Variants in POP4 observed in about 807,000 individuals in gnomAD.
POP4 encodes POP4 ribonuclease P/MRP subunit, also known as ribonuclease P protein subunit p29.
Under a neutral mutation model 29.9 loss-of-function variants are expected in POP4, and 31 were observed. The ratio of observed to expected loss-of-function variants is 1.04; its 90% CI spans 0.78 to 1.40. The LOEUF is 1.40. Ranked by LOEUF, POP4 falls within the 40% of genes most tolerant of loss-of-function variation. The pLI, the probability that POP4 is intolerant of heterozygous loss-of-function variation, is 0.00. For missense variants in POP4, 286 were observed against 282.7 expected, an observed-to-expected ratio of 1.01 and a Z score of -0.08; for synonymous variants, 110 against 108.2, an observed-to-expected ratio of 1.02 and a Z score of -0.10.
intron 2 of POP4, among the ~76,000 whole-genome samples, chr19:29,609,437 G>A (rs549036004): frequency 3.3e-5 from 5 of 152,322 alleles, no homozygotes; most frequent in Admixed American, 3.3e-4. Flanking sequence ...CAGTCTGTCA[G>A]CCTCAGTCTT....
At chr19:29,608,177 A>G (rs1243354084) in intron 1 of POP4, among the ~76,000 whole-genome samples, 1 of 151,912 alleles carries the variant, frequency 6.6e-6, no homozygotes, top group Non-Finnish European at 1.5e-5. Flanking sequence ...TGCTCTTAAT[A>G]CCAACCTCAT....
chr19:29,608,508 G>A, intron 1 of POP4, 149 bp from the exon 2 acceptor site: 5 of 679,930 alleles, frequency 7.4e-6, no homozygotes, highest in Non-Finnish European at 1.3e-5. Flanking sequence ...CTTGGGTCAG[G>A]ATCCGCCCGC....
intron 1 of POP4, 51 bp downstream of exon 1, chr19:29,606,376 T>C: frequency 6.3e-7 from 1 of 1,576,598 alleles, no homozygotes; most frequent in Non-Finnish European, 8.6e-7. Context: ...AGGGTCGGGG[T>C]CTTGGTACTG....
rs1971129993 is a variant in POP4, at chr19:29,616,246, C to T, written c.*866C>T. On this transcript the variant is annotated 3_prime_UTR_variant, in exon 7 of 7. Transcript: ENST00000585603. ...TTGGCTTTTCAGTCTGACCCTGGCCCTCTGTGACCATGTGTCTGTAAAGCC... is the reference window on the plus strand; with the variant it reads ...TTGGCTTTTCAGTCTGACCCTGGCCTTCTGTGACCATGTGTCTGTAAAGCC... 1 of 152,292 alleles carries T rather than the reference C, an allele frequency of 6.6e-6. No individual in the cohort carries two copies. Among genetic ancestry groups the T allele is most frequent in the Non-Finnish European group, 1.5e-5 (1 of 68,080 alleles). 9.4% of individuals were successfully genotyped at this position (152,292 alleles called of 1,614,324 possible).
intron 1 of POP4, among the ~76,000 whole-genome samples, chr19:29,606,966 A>G (rs577444362): frequency 7.0e-4 from 107 of 152,284 alleles, no homozygotes; most frequent in African/African-American, 2.5e-3. Flanking sequence ...TAATTGTTAG[A>G]TGTGTATTGT....
chr19:29,613,963 C>T lies in POP4; in HGVS notation c.517C>T (p.Arg173Cys), dbSNP rs547007300. The T allele has an allele frequency of 6.2e-6, 10 of 1,613,276 alleles. No individual in the cohort carries two copies. Among genetic ancestry groups the T allele is most frequent in the South Asian group, 1.1e-5 (1 of 91,006 alleles). Residue 173 changes from arginine to cysteine, a missense_variant, in exon 6 of 7, where the codon CGC becomes TGC. Transcript: ENST00000585603. The stretch of plus-strand genomic sequence containing the variant: ...TTTCAAAATTATCACCAAAGAAGAC[C>T]GCCTGAAAGGTATGTAGGTGTTTCT... ...HIFKIITKED[R>C]LKVIPKLNCV...
In POP4 at chr19:29,616,370, A is replaced by C. The variant is rs915020320; in HGVS notation, c.*990A>C. 6.6e-6 allele frequency: 1 copy of C among 152,404 alleles called. No individual in the cohort carries two copies. The highest frequency in any genetic ancestry group is 1.5e-5 in the Non-Finnish European group (1 of 68,224). 9.4% of individuals were successfully genotyped at this position (152,404 alleles called of 1,614,324 possible). A position where few individuals can be genotyped will look rare whatever the true frequency, so the allele number is the denominator to read the frequency against. ...CCAGCCTACCAGATGGGTTGGAAAC[A>C]TGGCTCAGAAGGACCAACTACCCCT... On this transcript the variant is annotated 3_prime_UTR_variant, in exon 7 of 7. Coordinates refer to ENST00000585603, the MANE Select transcript of POP4 (RefSeq NM_006627.3).
At chr19:29,610,161 G>A (rs1315718360) in intron 2 of POP4, 1 of 520,218 alleles carries the variant, frequency 1.9e-6, no homozygotes, top group Non-Finnish European at 3.4e-6. Flanking sequence ...GGCCAGAGCA[G>A]GAAGTGAGCG....
intron 1 of POP4, among the ~76,000 whole-genome samples, chr19:29,608,301 C>CT (rs1971026492): frequency 1.7e-5 from 2 of 119,592 alleles, no homozygotes; most frequent in Admixed American, 1.1e-4. Flanking sequence ...GAGTCTCACT[C>CT]TGTCACCCAG....
At chr19:29,608,529 C>T in intron 1 of POP4, 128 bp from the exon 2 acceptor site, 1 of 907,662 alleles carries the variant, frequency 1.1e-6, no homozygotes, top group South Asian at 1.6e-5. Flanking sequence ...CTTGGCCTCC[C>T]AAAGTGCTAG....
At chr19:29,615,223 C>CTTTTTT in intron 6 of POP4, 21 bp from the exon 7 acceptor site, 4 of 1,324,484 alleles carry the variant, frequency 3.0e-6, no homozygotes, top group South Asian at 1.6e-5. Flanking sequence ...TTTCTCCTGC[C>CTTTTTT]TTTTTTTTTT....
At chr19:29,608,524 C>A in intron 1 of POP4, 133 bp from the exon 2 acceptor site, 1 of 829,558 alleles carries the variant, frequency 1.2e-6, no homozygotes, top group Non-Finnish European at 1.9e-6. Context: ...CCCGCCTTGG[C>A]CTCCCAAAGT....
rs567092722 is a variant in POP4, at chr19:29,615,602, TTG to T, written c.*227_*228del. On this transcript the variant is annotated 3_prime_UTR_variant, in exon 7 of 7. Transcript: ENST00000585603. Reference sequence around the variant, plus strand: ...TTTCTCTTTCTAGGAGATTTTCATTTTGTGTGACTCCCATGGGGAGGAACAGA... The same window carrying T: ...TTTCTCTTTCTAGGAGATTTTCATTTTGTGACTCCCATGGGGAGGAACAGA... 68 of 459,698 alleles carry T rather than the reference TTG, an allele frequency of 1.5e-4. No individual in the cohort carries two copies. In the South Asian group the frequency reaches 3.2e-3, roughly 21 times the overall value. 28.5% of individuals were successfully genotyped at this position (459,698 alleles called of 1,614,324 possible). A position where few individuals can be genotyped will look rare whatever the true frequency, so the allele number is the denominator to read the frequency against.
chr19:29,616,284 C>T lies in POP4; in HGVS notation c.*904C>T, dbSNP rs138416321. 1.3e-5 allele frequency: 2 copies of T among 152,264 alleles called. No homozygotes were observed. Among genetic ancestry groups the T allele is most frequent in the Non-Finnish European group, 2.9e-5 (2 of 68,102 alleles). The allele number at this position is 152,264 out of a possible 1,614,324, so 9.4% of individuals were successfully genotyped here. A position where few individuals can be genotyped will look rare whatever the true frequency, so the allele number is the denominator to read the frequency against. ...TGTCTGTAAAGCCAGTGGGTCAGGC[C>T]CTTCCATGCAGGGCCAGAGGAAAAG... On this transcript the variant is annotated 3_prime_UTR_variant, in exon 7 of 7. Coordinates refer to ENST00000585603, the MANE Select transcript of POP4 (RefSeq NM_006627.3).
At chr19:29,608,787 T>G in intron 2 of POP4, 78 bp downstream of exon 2, 1 of 1,319,062 alleles carries the variant, frequency 7.6e-7, no homozygotes, top group Non-Finnish European at 1.1e-6. Context: ...CCCCCAGCAC[T>G]GATTGAGATG....
At chr19:29,610,372 G>C (rs369680136) in intron 2 of POP4, 37 bp from the exon 3 acceptor site, 4 of 1,516,064 alleles carry the variant, frequency 2.6e-6, no homozygotes, top group Non-Finnish European at 3.5e-6. Flanking sequence ...TGCCCAGACC[G>C]GAGCAGTGAG....
Position 29,615,240 on chromosome 19 carries a change from T to C in POP4, c.527-4T>C, listed in dbSNP as rs899471170. 27 of 1,467,112 alleles carry C rather than the reference T, an allele frequency of 1.8e-5. No individual in the cohort carries two copies. The African/African-American group carries it at 2.1e-4, about 11-fold the overall frequency. The allele number at this position is 1,467,112 out of a possible 1,614,324, so 90.9% of individuals were successfully genotyped here. On this transcript the variant is annotated splice_polypyrimidine_tract_variant and splice_region_variant and intron_variant, in intron 6 of 6. Coordinates refer to ENST00000585603, the MANE Select transcript of POP4 (RefSeq NM_006627.3). ...TCTCCTGCCTTTTTTTTTTTTTTTT[T>C]CAGTTATCCCCAAGCTAAACTGCGT...
In POP4 at chr19:29,608,562, G is replaced by T. The variant is rs754150616; in HGVS notation, c.8-95G>T. 4 of 1,282,156 alleles carry T rather than the reference G, an allele frequency of 3.1e-6. No homozygotes were observed. The Admixed American group carries it at 5.1e-5, about 16-fold the overall frequency. The allele number at this position is 1,282,156 out of a possible 1,614,324, so 79.4% of individuals were successfully genotyped here. A position where few individuals can be genotyped will look rare whatever the true frequency, so the allele number is the denominator to read the frequency against. ...TAGGACTACAGGTATGAGCCACTGC[G>T]CCTAGTGGCGTAGTTATTTTCATAG... On this transcript the variant is annotated intron_variant, in intron 1 of 6. Coordinates refer to ENST00000585603, the MANE Select transcript of POP4 (RefSeq NM_006627.3).
chr19:29,612,435 C>CT (rs1269729732), intron 5 of POP4, among the ~76,000 whole-genome samples: 2 of 152,286 alleles, frequency 1.3e-5, no homozygotes, highest in African/African-American at 4.8e-5. Flanking sequence ...TGTTGGTACC[C>CT]TAAAGGGCAC....
Sources: gnomAD v4.1 joint callset for allele counts (sites outside exome capture counted in the v4.1 genomes callset) on GRCh38, gnomAD v4.1.1 for gene constraint, MANE v1.5 for transcripts, NCBI Gene and HGNC (gene_info 2026-07-23, HGNC 2026-07-21) for gene names.